Variants in FIBCD1 observed in about 807,000 individuals in gnomAD.
FIBCD1 encodes fibrinogen C domain-containing protein 1.
FIBCD1 carries 47 observed loss-of-function variants against 45.1 expected under a neutral mutation model. The observed-to-expected ratio is 1.04, with a 90% CI of 0.82 to 1.33. The LOEUF (loss-of-function observed/expected upper bound fraction) is 1.33. Among genes scored for constraint, FIBCD1 ranks in the 40% most tolerant of loss-of-function variants. The pLI, the probability that FIBCD1 is intolerant of heterozygous loss-of-function variation, is 0.00. For missense variants in FIBCD1, 653 were observed against 682.2 expected (o/e 0.96, Z 0.48); for synonymous variants, 313 against 308.1 (o/e 1.02, Z -0.17).
In FIBCD1 at chr9:130,923,897, T is replaced by C. The variant is rs1359471938; in HGVS notation, c.713-17A>G. On this transcript the variant is annotated splice_polypyrimidine_tract_variant and intron_variant, in intron 3 of 6. Transcript: ENST00000372338. ...GCCGGGAGCCTGAGGGAGGCAAGGC[T>C]GTCAGGGTGGCTGCGGCCCCAGCAC... The C allele has an allele frequency of 1.2e-6, 2 of 1,611,674 alleles. No individual in the cohort carries two copies. Among genetic ancestry groups the C allele is most frequent in the Non-Finnish European group, 1.7e-6 (2 of 1,179,896 alleles).
At chr9:130,914,656 G>C (rs1158619084) in intron 4 of FIBCD1, among the ~76,000 whole-genome samples, 2 of 152,232 alleles carry the variant, frequency 1.3e-5, no homozygotes, top group South Asian at 4.1e-4. Context: ...TCCAGAATGA[G>C]AGCAAGAAGC....
At chr9:130,907,117 C>A (rs2133067928) in intron 5 of FIBCD1, among the ~76,000 whole-genome samples, 1 of 152,312 alleles carries the variant, frequency 6.6e-6, no homozygotes, top group South Asian at 2.1e-4. Flanking sequence ...GAGAGGGAGA[C>A]CGGCCCCCCG....
chr9:130,930,905 C>A, intron 1 of FIBCD1: 1 of 441,790 alleles, frequency 2.3e-6, no homozygotes, highest in Admixed American at 2.4e-5. Flanking sequence ...TCTCTGGGAA[C>A]GAGTGCCCTG....
chr9:130,924,585 G>A (rs1832327159), intron 2 of FIBCD1, among the ~76,000 whole-genome samples, 189 bp from the exon 3 acceptor site: 1 of 152,204 alleles, frequency 6.6e-6, no homozygotes, highest in African/African-American at 2.4e-5. Context: ...AGGCTATGAT[G>A]GAGCCTGTGC....
rs529267041 is a variant in FIBCD1, at chr9:130,910,372, G to A, written c.946+1420C>T. ...GCTGCCTTCCCGCGGGCCAGGGCTC[G>A]GGACCTGCAGCCCGCCATGCCTGAG... On this transcript the variant is annotated intron_variant, in intron 5 of 6. Coordinates refer to ENST00000372338, the MANE Select transcript of FIBCD1 (RefSeq NM_032843.5). Among the ~76,000 whole-genome samples the A allele has an allele frequency of 1.2e-4, 18 of 152,312 alleles. No individual in the cohort carries two copies. The South Asian group carries it at 3.7e-3, about 32-fold the overall frequency.
chr9:130,925,633 A>G (rs1832345549), intron 2 of FIBCD1, among the ~76,000 whole-genome samples: 1 of 152,060 alleles, frequency 6.6e-6, no homozygotes, highest in Non-Finnish European at 1.5e-5. Flanking sequence ...CCTCCCTCCA[A>G]CACAGCCCTG....
At chr9:130,923,622 G>T in intron 4 of FIBCD1, 122 bp downstream of exon 4, 1 of 1,420,702 alleles carries the variant, frequency 7.0e-7, no homozygotes, top group African/African-American at 1.4e-5. Context: ...CCAGGGCAGG[G>T]CCAGTCCACA....
Position 130,904,733 on chromosome 9 carries a change from G to C in FIBCD1, c.1127-410C>G, listed in dbSNP as rs1375887438. ...CTCCTGATTCCTGGCTCTGGGCTCA[G>C]TTTCTTTATCTGCAAAACGGGAAAA... is the stretch of plus-strand genomic sequence containing the variant. On this transcript the variant is annotated intron_variant, in intron 6 of 6. Transcript: ENST00000372338. Among the ~76,000 whole-genome samples the C allele has an allele frequency of 5.9e-5, 9 of 152,342 alleles. No individual in the cohort carries two copies. The East Asian group carries it at 1.7e-3, about 29-fold the overall frequency.
At chr9:130,934,535 C>T (rs1832490517) in intron 1 of FIBCD1, among the ~76,000 whole-genome samples, 1 of 152,182 alleles carries the variant, frequency 6.6e-6, no homozygotes, top group African/African-American at 2.4e-5. Context: ...AGGTTCCAAG[C>T]CCCCCAGCTG....
At chr9:130,911,477 C>T (rs1319012371) in intron 5 of FIBCD1, among the ~76,000 whole-genome samples, 2 of 152,336 alleles carry the variant, frequency 1.3e-5, no homozygotes, top group South Asian at 2.1e-4. Flanking sequence ...ACCACCTGCC[C>T]AAGCTGGCTT....
chr9:130,932,740 C>G (rs1035253525), intron 1 of FIBCD1, among the ~76,000 whole-genome samples: 2 of 151,992 alleles, frequency 1.3e-5, no homozygotes, highest in African/African-American at 4.9e-5. Context: ...ACTTCTTTTA[C>G]TCACTCATTC....
chr9:130,930,485 G>A (rs908019881), intron 1 of FIBCD1, among the ~76,000 whole-genome samples: 1 of 150,280 alleles, frequency 6.7e-6, no homozygotes, highest in African/African-American at 2.4e-5. Context: ...CAGGGAGATG[G>A]AGACGGACAG....
intron 5 of FIBCD1, among the ~76,000 whole-genome samples, chr9:130,908,238 G>A (rs906161304): frequency 1.3e-5 from 2 of 152,230 alleles, no homozygotes; most frequent in Non-Finnish European, 2.9e-5. Context: ...GATGGGGAGG[G>A]TGGTGCGGCA....
chr9:130,931,385 G>A (rs961870747), intron 1 of FIBCD1, among the ~76,000 whole-genome samples: 1 of 152,134 alleles, frequency 6.6e-6, no homozygotes, highest in Non-Finnish European at 1.5e-5. Flanking sequence ...GCACATGCCT[G>A]TAAATCCCAG....
chr9:130,919,637 G>A (rs1252713412), intron 4 of FIBCD1, among the ~76,000 whole-genome samples: 1 of 152,190 alleles, frequency 6.6e-6, no homozygotes, highest in African/African-American at 2.4e-5. Flanking sequence ...GGGGATGTGG[G>A]GGCTCCTTTC....
chr9:130,929,602 T>C lies in FIBCD1; in HGVS notation c.517A>G (p.Ser173Gly). 6.6e-7 allele frequency: 1 copy of C among 1,522,178 alleles called. No homozygotes were observed. The allele number at this position is 1,522,178 out of a possible 1,614,324, so 94.3% of individuals were successfully genotyped here. A position where few individuals can be genotyped will look rare whatever the true frequency, so the allele number is the denominator to read the frequency against. ...KGHGTLGQGL[S>G]ALQSEQGRLI... is the part of the protein sequence containing the mutation. ...CGGCCCTGCTCACTCTGCAGGGCGC[T>C]GAGGCCCTGGCCCAGCGTGCCATGC... The change falls in exon 2 of 7, where the codon AGC (serine) becomes GGC (glycine). Residue 173 changes from serine (S) to glycine (G), a missense_variant. Ser to Gly is a moderately conservative substitution (Grantham distance 56). Transcript: ENST00000372338.
rs1426981023 is a variant in FIBCD1 at position 130,911,786 on chromosome 9, G to A, written c.946+6C>T. Reference sequence around the variant, plus strand: ...ACCTGGGCCGGATGGTGGGTGGGGTGCTCACCTAGCCAGTGCTCCCCGGTG... The same window carrying A: ...ACCTGGGCCGGATGGTGGGTGGGGTACTCACCTAGCCAGTGCTCCCCGGTG... On this transcript the variant is annotated splice_donor_region_variant and intron_variant, in intron 5 of 6. Transcript: ENST00000372338. 3.1e-6 allele frequency: 5 copies of A among 1,592,588 alleles called. No homozygotes were observed. The highest frequency in any genetic ancestry group is 1.1e-5 in the South Asian group (1 of 87,686).
intron 2 of FIBCD1, 120 bp downstream of exon 2, chr9:130,929,447 C>G: frequency 7.5e-7 from 1 of 1,326,386 alleles, no homozygotes; most frequent in Non-Finnish European, 9.9e-7. Context: ...CAGCAGTAGC[C>G]CCTTGTCTGG....
intron 4 of FIBCD1, among the ~76,000 whole-genome samples, chr9:130,916,325 C>T (rs532587065): frequency 5.9e-5 from 9 of 152,336 alleles, no homozygotes; most frequent in African/African-American, 1.9e-4. Context: ...GCCAGTGACC[C>T]ACGGAGTACG....
Sources: gnomAD v4.1 joint callset for allele counts (sites outside exome capture counted in the v4.1 genomes callset) on GRCh38, gnomAD v4.1.1 for gene constraint, MANE v1.5 for transcripts, NCBI Gene and HGNC (gene_info 2026-07-23, HGNC 2026-07-21) for gene names.